Variants in DESI1 observed in about 807,000 individuals in gnomAD.
DESI1 encodes the protein desumoylating isopeptidase 1.
In DESI1, 17 loss-of-function variants were observed where a neutral mutation model predicts 22.4. The observed-to-expected ratio is 0.76, with a 90% CI of 0.52 to 1.14. DESI1 has a LOEUF of 1.14. Ranked by LOEUF, DESI1 falls within the 50% of genes most tolerant of loss-of-function variation. The probability of loss-of-function intolerance (pLI) is 0.00; values close to 1 mark genes in which losing one functional copy is unlikely to be tolerated. For synonymous variants in DESI1, 92 were observed against 84.2 expected (o/e 1.09, Z -0.51); for missense variants, 177 against 208.9 (o/e 0.85, Z 0.94).
Position 41,602,196 on chromosome 22 carries a change from T to G in DESI1, c.414-1006A>C, listed in dbSNP as rs2067453108. ...CATTTTTGAAAATCATCTCCAAGTTTAAAGGAATGAAGTACTCCAAAGTAT... is the reference window on the plus strand; with the variant it reads ...CATTTTTGAAAATCATCTCCAAGTTGAAAGGAATGAAGTACTCCAAAGTAT... On this transcript the variant is annotated intron_variant, in intron 5 of 5. Transcript: ENST00000263256. 1.2e-5 allele frequency: 12 copies of G among 984,990 alleles called. No homozygotes were observed. In the South Asian group the frequency reaches 5.2e-4, roughly 42 times the overall value. The allele number at this position is 984,990 out of a possible 1,614,324, so 61.0% of individuals were successfully genotyped here.
intron 1 of DESI1, among the ~76,000 whole-genome samples, chr22:41,609,186 C>A (rs548366156): frequency 6.6e-6 from 1 of 152,168 alleles, no homozygotes; most frequent in Non-Finnish European, 1.5e-5. Context: ...AAGTGATCCA[C>A]CTGCCTCAGC....
At chr22:41,620,209 C>G (rs2067577333) in intron 1 of DESI1, among the ~76,000 whole-genome samples, 1 of 152,142 alleles carries the variant, frequency 6.6e-6, no homozygotes, top group South Asian at 2.1e-4. Flanking sequence ...GGGGCGATGG[C>G]TGGGTCCCTA....
chr22:41,609,564 C>A (rs1332568689), intron 1 of DESI1, among the ~76,000 whole-genome samples: 4 of 152,058 alleles, frequency 2.6e-5, no homozygotes, highest in African/African-American at 7.2e-5. Context: ...GAGGCCGAGG[C>A]AGGCAGATTA....
chr22:41,602,137 T>C, intron 5 of DESI1: 1 of 878,730 alleles, frequency 1.1e-6, no homozygotes, highest in Non-Finnish European at 1.4e-6. Context: ...CCAGAAACTT[T>C]TAAGTCACTG....
rs1275727453 is a variant in DESI1 at position 41,600,444 on chromosome 22, C to G, written c.*653G>C. 6 of 152,306 alleles carry G rather than the reference C, an allele frequency of 3.9e-5. No homozygotes were observed. Among genetic ancestry groups the G allele is most frequent in the Non-Finnish European group, 7.3e-5 (5 of 68,134 alleles). 9.4% of individuals were successfully genotyped at this position (152,306 alleles called of 1,614,324 possible). A position where few individuals can be genotyped will look rare whatever the true frequency, so the allele number is the denominator to read the frequency against. On this transcript the variant is annotated 3_prime_UTR_variant, in exon 6 of 6. Coordinates refer to ENST00000263256, the MANE Select transcript of DESI1 (RefSeq NM_015704.3). ...AAATTGATGGCAGAAGATTGGCAAT[C>G]CATCTAGGTGGAAGGAGGAATGGCT... is the stretch of plus-strand genomic sequence containing the variant.
chr22:41,614,195 C>T (rs2067535738), intron 1 of DESI1, among the ~76,000 whole-genome samples: 1 of 151,836 alleles, frequency 6.6e-6, no homozygotes, highest in Non-Finnish European at 1.5e-5. Context: ...CGCCACCATG[C>T]CCGGCTAATT....
At chr22:41,616,088 G>C (rs1256081944) in intron 1 of DESI1, among the ~76,000 whole-genome samples, 1 of 152,012 alleles carries the variant, frequency 6.6e-6, no homozygotes, top group Admixed American at 6.6e-5. Flanking sequence ...ATTAAAAATA[G>C]AAAAATTAGC....
At chr22:41,608,139 A>G (rs985716314) in intron 1 of DESI1, among the ~76,000 whole-genome samples, 5 of 152,226 alleles carry the variant, frequency 3.3e-5, no homozygotes, top group East Asian at 1.9e-4. Context: ...TTTGGGGTCA[A>G]TTCAGCTATG....
intron 1 of DESI1, among the ~76,000 whole-genome samples, chr22:41,610,007 G>A (rs997426314): frequency 8.7e-5 from 13 of 149,710 alleles, no homozygotes; most frequent in Non-Finnish European, 1.3e-4. Context: ...CTGAACCCAG[G>A]AGGCAGAGGT....
At chr22:41,615,489 T>C (rs1380882863) in intron 1 of DESI1, among the ~76,000 whole-genome samples, 4 of 151,954 alleles carry the variant, frequency 2.6e-5, no homozygotes, top group Non-Finnish European at 4.4e-5. Flanking sequence ...TTCCTTTCCA[T>C]TTTGCCTTAA....
intron 1 of DESI1, among the ~76,000 whole-genome samples, chr22:41,611,061 C>T (rs1299836642): frequency 6.6e-6 from 1 of 152,164 alleles, no homozygotes; most frequent in Non-Finnish European, 1.5e-5. Context: ...CATCTTCAAA[C>T]CCTGGGTTCC....
At chr22:41,614,204 T>G (rs912920763) in intron 1 of DESI1, among the ~76,000 whole-genome samples, 2 of 149,566 alleles carry the variant, frequency 1.3e-5, no homozygotes, top group African/African-American at 2.5e-5. Context: ...GCCCGGCTAA[T>G]TTTTTGTATT....
In DESI1 at chr22:41,601,074, C is replaced by T; in HGVS notation, c.*23G>A. 1 of 1,602,072 alleles carries T rather than the reference C, an allele frequency of 6.2e-7. No homozygotes were observed. The highest frequency in any genetic ancestry group is 1.1e-5 in the South Asian group (1 of 90,210). On this transcript the variant is annotated 3_prime_UTR_variant, in exon 6 of 6. Coordinates refer to ENST00000263256, the MANE Select transcript of DESI1 (RefSeq NM_015704.3). ...TTAAAAAGGAAAAGCCCTGGTGAGG[C>T]AGGGCGGTCCCAGGCAGTCCTGTTA...
chr22:41,604,939 G>C (rs1039054391), intron 3 of DESI1, among the ~76,000 whole-genome samples: 5 of 151,472 alleles, frequency 3.3e-5, no homozygotes, highest in Admixed American at 3.3e-4. Flanking sequence ...GGGAGGGGGG[G>C]CCCTGGGAAG....
Position 41,601,036 on chromosome 22 carries a change from G to C in DESI1, c.*61C>G. The C allele has an allele frequency of 7.1e-7, 1 of 1,410,328 alleles. No individual in the cohort carries two copies. The highest frequency in any genetic ancestry group is 9.9e-7 in the Non-Finnish European group (1 of 1,013,514). The allele number at this position is 1,410,328 out of a possible 1,614,324, so 87.4% of individuals were successfully genotyped here. On this transcript the variant is annotated 3_prime_UTR_variant, in exon 6 of 6. Transcript: ENST00000263256. ...AAAATTATAAAATAGAAATCTGGTA[G>C]GGTTTGTTTTGTTTAAAAAGGAAAA...
chr22:41,607,754 C>G, intron 2 of DESI1, 86 bp downstream of exon 2: 4 of 1,500,254 alleles, frequency 2.7e-6, no homozygotes, highest in Non-Finnish European at 3.7e-6. Flanking sequence ...AGGTTTCATG[C>G]TGGAAGCCAC....
chr22:41,601,277 G>C lies in DESI1; in HGVS notation c.414-87C>G, dbSNP rs985436199. On this transcript the variant is annotated intron_variant, in intron 5 of 5. Transcript: ENST00000263256. ...CTGTGCTGCCCACGGGTAGGGAGGA[G>C]GAGTGGGCGCTGGTGGCAGCAGAAG... is the stretch of plus-strand genomic sequence containing the variant. 16 of 1,281,720 alleles carry C rather than the reference G, an allele frequency of 1.2e-5. No homozygotes were observed. In the Admixed American group the frequency reaches 2.6e-4, roughly 21 times the overall value. The allele number at this position is 1,281,720 out of a possible 1,614,324, so 79.4% of individuals were successfully genotyped here.
intron 4 of DESI1, among the ~76,000 whole-genome samples, chr22:41,603,612 C>G (rs1290577302): frequency 6.6e-6 from 1 of 152,222 alleles, no homozygotes; most frequent in Non-Finnish European, 1.5e-5. Flanking sequence ...TCAGGAGAAT[C>G]TTTACATTCA....
At chr22:41,614,700 T>C (rs1043983246) in intron 1 of DESI1, among the ~76,000 whole-genome samples, 21 of 150,046 alleles carry the variant, frequency 1.4e-4, no homozygotes, top group African/African-American at 5.2e-4. Flanking sequence ...TTCTCCTGCC[T>C]CAGCTTCCCG....
Sources: allele counts gnomAD v4.1 joint callset (sites outside exome capture counted in the v4.1 genomes callset), GRCh38; gene constraint gnomAD v4.1.1; transcripts MANE v1.5; gene names NCBI Gene and HGNC (gene_info 2026-07-23, HGNC 2026-07-21).